Variants in KCTD19 observed in about 807,000 individuals in gnomAD.
KCTD19 encodes BTB/POZ domain-containing protein KCTD19.
In KCTD19, 67 loss-of-function variants were observed where a neutral mutation model predicts 103.5. The observed-to-expected ratio is 0.65, with a 90% CI of 0.53 to 0.79. The LOEUF (loss-of-function observed/expected upper bound fraction) is 0.79, where lower values mean the gene tolerates loss of function less well. Among genes scored for constraint, KCTD19 ranks in the 30% least tolerant of loss-of-function variants. The pLI is 0.00. For synonymous variants in KCTD19, 439 were observed against 452.2 expected, an observed-to-expected ratio of 0.97 and a Z score of 0.37; for missense variants, 980 against 1,136.1, an observed-to-expected ratio of 0.86 and a Z score of 1.98.
In KCTD19 at chr16:67,291,734, G is replaced by A. The variant is rs768985298; in HGVS notation, c.2322C>T (p.Phe774=). Reference sequence around the variant, plus strand: ...TGATGCTGTCCTCAAAGAACATGCAGAAGCCATCGCTGCCCACCACGGGGG... The same window carrying A: ...TGATGCTGTCCTCAAAGAACATGCAAAAGCCATCGCTGCCCACCACGGGGG... ...THPPVVGSDG[F]CMFFEDSIIY... Residue 774 remains phenylalanine, a synonymous_variant, in exon 13 of 16, where the codon TTC becomes TTT. Transcript: ENST00000304372. 3.4e-5 allele frequency: 55 copies of A among 1,614,050 alleles called. No homozygotes were observed. In the African/African-American group the frequency reaches 6.9e-4, roughly 20 times the overall value.
At chr16:67,326,648 C>T (rs2037180567) in intron 1 of KCTD19, 57 bp downstream of exon 1, 2 of 1,559,134 alleles carry the variant, frequency 1.3e-6, no homozygotes, top group East Asian at 2.5e-5. Context: ...TTGGCCACAG[C>T]GGCCCCCATT....
Position 67,291,712 on chromosome 16 carries a change from T to C in KCTD19, c.2344A>G (p.Ile782Val). 1.2e-6 allele frequency: 2 copies of C among 1,613,980 alleles called. No homozygotes were observed. The highest frequency in any genetic ancestry group is 8.5e-7 in the Non-Finnish European group (1 of 1,180,008). The change falls in exon 13 of 16, where the codon ATC (isoleucine) becomes GTC (valine). Residue 782 changes from isoleucine to valine, a missense_variant. Coordinates refer to ENST00000304372, the MANE Select transcript of KCTD19 (RefSeq NM_001100915.3). ...TTGTCCATCTCCGTGGTATAGATGA[T>C]GCTGTCCTCAAAGAACATGCAGAAG... is the stretch of plus-strand genomic sequence containing the variant. Reference protein sequence around the residue: ...DGFCMFFEDSIIYTTEMDNLR... With the variant: ...DGFCMFFEDSVIYTTEMDNLR...
intron 2 of KCTD19, among the ~76,000 whole-genome samples, chr16:67,316,646 A>G (rs566830961): frequency 1.3e-5 from 2 of 152,340 alleles, no homozygotes; most frequent in South Asian, 4.1e-4. Flanking sequence ...CTCCTCCTTC[A>G]TTATTACACA....
At chr16:67,326,662 C>A (rs778609760) in intron 1 of KCTD19, 43 bp downstream of exon 1, 8 of 1,572,090 alleles carry the variant, frequency 5.1e-6, no homozygotes, top group Non-Finnish European at 6.9e-6. Flanking sequence ...CCCCATTCGC[C>A]GCTTTGGTGC....
intron 3 of KCTD19, 68 bp downstream of exon 3, chr16:67,304,353 C>T (rs539359278): frequency 3.3e-6 from 5 of 1,514,474 alleles, no homozygotes; most frequent in Middle Eastern, 1.8e-4. Flanking sequence ...ATGGAAGCCA[C>T]TTCTGTTAGG....
rs1301119202 is a variant in KCTD19 at position 67,297,503 on chromosome 16, T to C, written c.1147A>G (p.Asn383Asp). Residue 383 changes from asparagine to aspartate, a missense_variant and splice_region_variant, in exon 7 of 16, where the codon AAT becomes GAT. Coordinates refer to ENST00000304372, the MANE Select transcript of KCTD19 (RefSeq NM_001100915.3). ...CAAACCTAGAAGCTTTCTCACTTAC[T>C]GAGCACATCCATGGGTGCCAAAGTC... ...PRTLAPMDVLNEWTAEITVYS... is the reference protein window; with the variant it reads ...PRTLAPMDVLDEWTAEITVYS... 1.2e-6 allele frequency: 2 copies of C among 1,613,882 alleles called. No individual in the cohort carries two copies. Among genetic ancestry groups the C allele is most frequent in the Non-Finnish European group, 1.7e-6 (2 of 1,179,942 alleles).
In KCTD19 at chr16:67,304,186, C is replaced by T. The variant is rs76482186; in HGVS notation, c.451+235G>A. Among the ~76,000 whole-genome samples the T allele has an allele frequency of 1.0e-3, 155 of 152,300 alleles. 1 individual carries two copies. In the East Asian group the frequency reaches 0.023, roughly 22 times the overall value. On this transcript the variant is annotated intron_variant, in intron 3 of 15. Transcript: ENST00000304372. ...AATAGGAGGGAGTGGAATGAAACCT[C>T]GCCTTGCCCACATGAAGCCAGAATG...
At chr16:67,316,412 A>C (rs1188378138) in intron 2 of KCTD19, among the ~76,000 whole-genome samples, 1 of 152,090 alleles carries the variant, frequency 6.6e-6, no homozygotes, top group East Asian at 1.9e-4. Flanking sequence ...CTTGCCACAT[A>C]CTATCCATCT....
At position 67,301,787 on chromosome 16, in the gene KCTD19, A is replaced by G; in HGVS notation, c.775+4T>C. 1 of 1,613,678 alleles carries G rather than the reference A, an allele frequency of 6.2e-7. No individual in the cohort carries two copies. Among genetic ancestry groups the G allele is most frequent in the Non-Finnish European group, 8.5e-7 (1 of 1,179,738 alleles). Reference sequence around the variant, plus strand: ...GGGGGAGCCAAGGTTTCCTGGCGACATACCCATGTTCATCCGGTACCACCT... The same window carrying G: ...GGGGGAGCCAAGGTTTCCTGGCGACGTACCCATGTTCATCCGGTACCACCT... On this transcript the variant is annotated splice_donor_region_variant and intron_variant, in intron 5 of 15. Transcript: ENST00000304372.
At chr16:67,299,292 C>G in intron 6 of KCTD19, 71 bp downstream of exon 6, 1 of 1,433,194 alleles carries the variant, frequency 7.0e-7, no homozygotes, top group South Asian at 1.2e-5. Flanking sequence ...GGGAAAGGCC[C>G]CAGGTTATTC....
At position 67,300,306 on chromosome 16, in the gene KCTD19, G is replaced by T. The variant is rs1001181530; in HGVS notation, c.776-733C>A. 2 of 152,260 alleles carry T rather than the reference G, an allele frequency of 1.3e-5. No homozygotes were observed. The highest frequency in any genetic ancestry group is 2.9e-5 in the Non-Finnish European group (2 of 68,070). 9.4% of individuals were successfully genotyped at this position (152,260 alleles called of 1,614,324 possible). On this transcript the variant is annotated intron_variant, in intron 5 of 15. Coordinates refer to ENST00000304372, the MANE Select transcript of KCTD19 (RefSeq NM_001100915.3). The surrounding 1 kb of genome is among the most constrained non-coding windows in gnomAD (Gnocchi z 4.5). Reference sequence around the variant, plus strand: ...CTAATGAAGTATCTTGCCCTAAACTGCAAAGCTAGGCAGGGGCAGGGCTAG... The same window carrying T: ...CTAATGAAGTATCTTGCCCTAAACTTCAAAGCTAGGCAGGGGCAGGGCTAG...
chr16:67,298,566 T>C (rs954470564), intron 6 of KCTD19, among the ~76,000 whole-genome samples: 1 of 152,146 alleles, frequency 6.6e-6, no homozygotes, highest in Non-Finnish European at 1.5e-5. Context: ...ATCAACCCCC[T>C]TCTCCAAACC....
At chr16:67,316,732 T>A (rs968199252) in intron 2 of KCTD19, among the ~76,000 whole-genome samples, 1 of 152,174 alleles carries the variant, frequency 6.6e-6, no homozygotes, top group African/African-American at 2.4e-5. Flanking sequence ...CACTCCTGTA[T>A]CTCCAGAACT....
chr16:67,295,212 G>A, intron 9 of KCTD19, 51 bp downstream of exon 9: 1 of 1,603,994 alleles, frequency 6.2e-7, no homozygotes, highest in South Asian at 1.1e-5. Context: ...TGTTGCTAAG[G>A]GAGGGGTCAG....
In KCTD19 at chr16:67,305,499, A is replaced by G. The variant is rs957426431; in HGVS notation, c.301-928T>C. ...CCAGAGCTTGTCAGCTTGAAGGATC[A>G]GGCGACCAGAGGTGGGCTGAGGCTG... is the stretch of plus-strand genomic sequence containing the variant. On this transcript the variant is annotated intron_variant, in intron 2 of 15. Coordinates refer to ENST00000304372, the MANE Select transcript of KCTD19 (RefSeq NM_001100915.3). The G allele has an allele frequency of 7.5e-6, 3 of 400,170 alleles. No individual in the cohort carries two copies. In the Admixed American group the frequency reaches 9.4e-5, roughly 12 times the overall value. 24.8% of individuals were successfully genotyped at this position (400,170 alleles called of 1,614,324 possible).
In KCTD19 at chr16:67,303,369, C is replaced by G; in HGVS notation, c.452-32G>C. On this transcript the variant is annotated intron_variant, in intron 3 of 15. Transcript: ENST00000304372. This position sits in a 1 kb window ranked among gnomAD's most constrained non-coding sequence, Gnocchi z 4.3. ...GAGAACATGCAGGCAGTGTTGCCAC[C>G]TCTCAGAAGCCAGGGATCTGATTCC... The G allele has an allele frequency of 1.3e-6, 2 of 1,572,388 alleles. No homozygotes were observed. The highest frequency in any genetic ancestry group is 1.7e-6 in the Non-Finnish European group (2 of 1,153,270).
chr16:67,291,530 G>A (rs1417324905), intron 13 of KCTD19, 67 bp from the exon 14 acceptor site: 2 of 1,573,730 alleles, frequency 1.3e-6, no homozygotes, highest in African/African-American at 2.7e-5. Flanking sequence ...ACAGTGTGAG[G>A]AGGGGGAGAG....
At chr16:67,298,483 C>T (rs566825629) in intron 6 of KCTD19, among the ~76,000 whole-genome samples, 38 of 152,276 alleles carry the variant, frequency 2.5e-4, no homozygotes, top group South Asian at 1.7e-3. Context: ...TTGCCTCATA[C>T]GCATCTGCCC....
chr16:67,313,242 C>T (rs2036967572), intron 2 of KCTD19, among the ~76,000 whole-genome samples: 1 of 151,902 alleles, frequency 6.6e-6, no homozygotes, highest in Non-Finnish European at 1.5e-5. Flanking sequence ...CCCCGAGTAG[C>T]TGGGATTACA....
Sources: gnomAD v4.1 joint callset for allele counts (sites outside exome capture counted in the v4.1 genomes callset) on GRCh38, gnomAD v4.1.1 for gene constraint, Gnocchi (gnomAD v3.1) non-coding constraint, MANE v1.5 for transcripts, NCBI Gene and HGNC (gene_info 2026-07-23, HGNC 2026-07-21) for gene names.